Variants in ILRUN observed in about 807,000 individuals in gnomAD.
The protein encoded by ILRUN is inflammation and lipid regulator with UBA-like and NBR1-like domains.
ILRUN carries 3 observed loss-of-function variants against 33.8 expected under a neutral mutation model. The ratio of observed to expected loss-of-function variants is 0.09; its 90% CI spans 0.04 to 0.23. ILRUN has a LOEUF of 0.23. Among genes scored for constraint, ILRUN ranks in the 10% least tolerant of loss-of-function variants. The probability of loss-of-function intolerance (pLI) is 1.00; values close to 1 mark genes in which losing one functional copy is unlikely to be tolerated. For synonymous variants in ILRUN, 124 were observed against 138.9 expected, an observed-to-expected ratio of 0.89 and a Z score of 0.75; for missense variants, 210 against 375.1, an observed-to-expected ratio of 0.56 and a Z score of 3.64.
chr6:34,687,068 G>C (rs1763536941), intron 1 of ILRUN: 2 of 182,048 alleles, frequency 1.1e-5, no homozygotes, highest in Non-Finnish European at 2.4e-5. Context: ...TTTTGAACTG[G>C]GAGGCGATAA....
intron 3 of ILRUN, among the ~76,000 whole-genome samples, chr6:34,624,491 TTTTG>T (rs1228325487): frequency 2.0e-5 from 3 of 151,752 alleles, no homozygotes; most frequent in Non-Finnish European, 4.4e-5. Context: ...ACCTGGCTAA[TTTTG>T]TTTTTTTGTT....
intron 4 of ILRUN, among the ~76,000 whole-genome samples, chr6:34,593,711 A>G (rs1027949554): frequency 3.9e-5 from 6 of 152,046 alleles, no homozygotes; most frequent in Non-Finnish European, 8.8e-5. Context: ...AACAAGCTCT[A>G]TTTTTCTTAC....
intron 2 of ILRUN, among the ~76,000 whole-genome samples, chr6:34,648,467 A>G (rs1031138100): frequency 2.6e-5 from 4 of 152,160 alleles, no homozygotes; most frequent in Admixed American, 2.0e-4. Context: ...GTAGCAGCTA[A>G]AGCAGTGGCC....
chr6:34,615,088 C>A (rs1761854883), intron 3 of ILRUN, among the ~76,000 whole-genome samples: 1 of 151,990 alleles, frequency 6.6e-6, no homozygotes, highest in South Asian at 2.1e-4. Flanking sequence ...TTGGTGAAAT[C>A]CAAATAAAGT....
chr6:34,645,667 C>G (rs1435080619), intron 3 of ILRUN, among the ~76,000 whole-genome samples: 1 of 152,168 alleles, frequency 6.6e-6, no homozygotes, highest in African/African-American at 2.4e-5. Context: ...CCACCATGCC[C>G]AGCAGATATA....
At chr6:34,670,274 T>C (rs1318948921) in intron 1 of ILRUN, among the ~76,000 whole-genome samples, 2 of 152,250 alleles carry the variant, frequency 1.3e-5, no homozygotes, top group Admixed American at 6.5e-5. Flanking sequence ...GGGGTGGGTA[T>C]GGATTAACTG....
At chr6:34,628,182 C>T (rs1417531119) in intron 3 of ILRUN, among the ~76,000 whole-genome samples, 4 of 150,688 alleles carry the variant, frequency 2.7e-5, no homozygotes, top group Non-Finnish European at 4.4e-5. Flanking sequence ...CACTGTGCCC[C>T]GCTAATTTTT....
intron 3 of ILRUN, among the ~76,000 whole-genome samples, chr6:34,621,093 T>C (rs750466450): frequency 1.3e-5 from 2 of 152,202 alleles, no homozygotes; most frequent in Non-Finnish European, 2.9e-5. Flanking sequence ...AGGTTTCATA[T>C]ACAGAATCTA....
At chr6:34,691,780 A>G (rs1656174154) in intron 1 of ILRUN, among the ~76,000 whole-genome samples, 1 of 151,992 alleles carries the variant, frequency 6.6e-6, no homozygotes, top group Non-Finnish European at 1.5e-5. Context: ...TGGGCGACAG[A>G]GCAAAACTCT....
At chr6:34,683,452 A>ATG (rs1562032965) in intron 1 of ILRUN, among the ~76,000 whole-genome samples, 3 of 103,792 alleles carry the variant, frequency 2.9e-5, no homozygotes, top group African/African-American at 1.8e-4. Context: ...ATATATATAT[A>ATG]CATATATATA....
intron 4 of ILRUN, among the ~76,000 whole-genome samples, chr6:34,593,443 G>A (rs1158603427): frequency 6.6e-6 from 1 of 152,130 alleles, no homozygotes; most frequent in Non-Finnish European, 1.5e-5. Context: ...CCACTTAACG[G>A]ATAAATAAAG....
At chr6:34,607,669 C>G (rs1761663467) in intron 3 of ILRUN, among the ~76,000 whole-genome samples, 2 of 152,112 alleles carry the variant, frequency 1.3e-5, no homozygotes, top group Non-Finnish European at 2.9e-5. Context: ...ATAGTAGAGC[C>G]TACTACACAC....
Position 34,615,353 on chromosome 6 carries a change from T to C in ILRUN, c.512-8449A>G, listed in dbSNP as rs548498713. Among the ~76,000 whole-genome samples, 339 of 151,508 alleles carry C rather than the reference T, an allele frequency of 2.2e-3. 2 individuals carry two copies. Among genetic ancestry groups the C allele is most frequent in the African/African-American group, 7.6e-3 (313 of 41,290 alleles). ...GCTCACACCTGTAGTCCCAGAACTT[T>C]GGGAGGCTGAGGTGGGTGGATCACC... On this transcript the variant is annotated intron_variant, in intron 3 of 4. Coordinates refer to ENST00000374023, the MANE Select transcript of ILRUN (RefSeq NM_024294.4).
At chr6:34,597,154 T>C (rs774380569) in intron 4 of ILRUN, among the ~76,000 whole-genome samples, 38 of 152,284 alleles carry the variant, frequency 2.5e-4, no homozygotes, top group Admixed American at 7.8e-4. Context: ...AACATAACTG[T>C]GAATGAAAAC....
chr6:34,638,763 G>A (rs1762415155), intron 3 of ILRUN, among the ~76,000 whole-genome samples: 1 of 152,118 alleles, frequency 6.6e-6, no homozygotes, highest in South Asian at 2.1e-4. Flanking sequence ...CATATTTCTG[G>A]TATTAGAGAA....
At chr6:34,618,365 C>T (rs774639517) in intron 3 of ILRUN, among the ~76,000 whole-genome samples, 1 of 152,180 alleles carries the variant, frequency 6.6e-6, no homozygotes, top group Non-Finnish European at 1.5e-5. Context: ...TTTGCTATAG[C>T]CATCTATTAC....
At chr6:34,590,780 C>T (rs1305651260) in intron 4 of ILRUN, among the ~76,000 whole-genome samples, 180 bp from the exon 5 acceptor site, 1 of 152,164 alleles carries the variant, frequency 6.6e-6, no homozygotes, top group Non-Finnish European at 1.5e-5. Context: ...TTTCAAGTTG[C>T]TAAGTTTCTC....
intron 2 of ILRUN, among the ~76,000 whole-genome samples, chr6:34,653,164 A>C (rs1239930348): frequency 6.6e-6 from 1 of 151,056 alleles, no homozygotes; most frequent in Non-Finnish European, 1.5e-5. Context: ...AAAAGAAAGA[A>C]AGAAAGAAAA....
chr6:34,690,032 A>G (rs2744947), intron 1 of ILRUN, among the ~76,000 whole-genome samples: 1 of 151,956 alleles, frequency 6.6e-6, no homozygotes, highest in Non-Finnish European at 1.5e-5. Context: ...ATCTACTGCT[A>G]TACTGAGAAA....
Sources: gnomAD v4.1 joint callset for allele counts (sites outside exome capture counted in the v4.1 genomes callset) on GRCh38, gnomAD v4.1.1 for gene constraint, MANE v1.5 for transcripts, NCBI Gene and HGNC (gene_info 2026-07-23, HGNC 2026-07-21) for gene names.